The following SLC25A17 variants were observed in gnomAD, a reference collection of about 807,000 sequenced individuals.
SLC25A17 encodes solute carrier family 25 member 17.
Under a neutral mutation model 38.5 loss-of-function variants are expected in SLC25A17, and 26 were observed. That is an observed-to-expected ratio of 0.68 (90% confidence interval 0.50 to 0.94). The LOEUF is 0.94. SLC25A17 is among the 40% of genes least tolerant of loss of function. SLC25A17 has a pLI of 0.00. For missense variants in SLC25A17, 333 were observed against 372.7 expected, an observed-to-expected ratio of 0.89 and a Z score of 0.88; for synonymous variants, 139 against 136.2, an observed-to-expected ratio of 1.02 and a Z score of -0.14.
chr22:40,780,762 T>C (rs1388245236), intron 4 of SLC25A17, among the ~76,000 whole-genome samples: 2 of 152,222 alleles, frequency 1.3e-5, no homozygotes, highest in East Asian at 3.8e-4. Flanking sequence ...TGAAATATGT[T>C]GCCTGTTAAA....
intron 1 of SLC25A17, among the ~76,000 whole-genome samples, chr22:40,816,613 T>A (rs2057642757): frequency 6.6e-6 from 1 of 150,484 alleles, no homozygotes. Flanking sequence ...TTTATTGTTT[T>A]TTTTTTTTTT....
At chr22:40,817,617 T>C (rs1425820215) in intron 1 of SLC25A17, among the ~76,000 whole-genome samples, 4 of 152,144 alleles carry the variant, frequency 2.6e-5, no homozygotes, top group South Asian at 2.1e-4. Flanking sequence ...TTTATAAATA[T>C]ATTCCAGGTC....
At chr22:40,785,779 G>A (rs1292469329) in intron 4 of SLC25A17, among the ~76,000 whole-genome samples, 1 of 151,910 alleles carries the variant, frequency 6.6e-6, no homozygotes, top group Non-Finnish European at 1.5e-5. Context: ...GACTACAAGT[G>A]CATGCCACCA....
intron 8 of SLC25A17, among the ~76,000 whole-genome samples, chr22:40,772,569 C>T (rs1383626698): frequency 6.6e-6 from 1 of 152,034 alleles, no homozygotes; most frequent in Non-Finnish European, 1.5e-5. Flanking sequence ...TCCTAAAGTG[C>T]TGGGATTATA....
chr22:40,777,333 A>T lies in SLC25A17; in HGVS notation c.492T>A (p.Ala164=). 6.2e-7 allele frequency: 1 copy of T among 1,614,158 alleles called. No individual in the cohort carries two copies. The highest frequency in any genetic ancestry group is 8.5e-7 in the Non-Finnish European group (1 of 1,180,006). Residue 164 remains alanine (A), a synonymous_variant, in exon 6 of 9, where the codon GCT becomes GCA. Coordinates refer to ENST00000435456, the MANE Select transcript of SLC25A17 (RefSeq NM_006358.4). ...ATGAGGGAAATGTGCCATTCCATAA[A>T]GCCGAGATTCCTTCATCGCGAATGA... ...HQIIRDEGIS[A]LWNGTFPSLL...
chr22:40,777,382 G>C lies in SLC25A17; in HGVS notation c.452-9C>G, dbSNP rs1286142339. 6.2e-7 allele frequency: 1 copy of C among 1,606,096 alleles called. No homozygotes were observed. The highest frequency in any genetic ancestry group is 8.5e-7 in the Non-Finnish European group (1 of 1,176,330). On this transcript the variant is annotated splice_polypyrimidine_tract_variant and intron_variant, in intron 5 of 8. Transcript: ENST00000435456. ...GATCTGATGAAAAGCATCTAAGCAA[G>C]AAATCAGGGACTTTTGAAAAGCATG...
intron 2 of SLC25A17, 49 bp from the exon 3 acceptor site, chr22:40,794,629 T>G (rs754555894): frequency 1.5e-6 from 2 of 1,299,698 alleles, no homozygotes; most frequent in African/African-American, 3.0e-5. Context: ...AAAAAAAAAT[T>G]TTTTTTTTGA....
Position 40,771,130 on chromosome 22 carries a change from C to T in SLC25A17, c.777-149G>A, listed in dbSNP as rs144827858. 9.4e-4 allele frequency: 648 copies of T among 687,068 alleles called. 4 individuals carry two copies. In the African/African-American group the frequency reaches 0.011, roughly 12 times the overall value. The allele number at this position is 687,068 out of a possible 1,614,324, so 42.6% of individuals were successfully genotyped here. A position where few individuals can be genotyped will look rare whatever the true frequency, so the allele number is the denominator to read the frequency against. ...TCAAAGTACTTTCCTTTTTTTGAGA[C>T]GGAGTCTCGCTCTGTCGCCCAGGCT... On this transcript the variant is annotated intron_variant, in intron 8 of 8. Transcript: ENST00000435456.
At chr22:40,793,570 T>C (rs537454599) in intron 3 of SLC25A17, among the ~76,000 whole-genome samples, 5 of 151,978 alleles carry the variant, frequency 3.3e-5, no homozygotes, top group African/African-American at 1.2e-4. Flanking sequence ...CTCAATGGAA[T>C]CATGAGGAAA....
chr22:40,797,464 C>T (rs1041577981), intron 2 of SLC25A17: 9 of 443,822 alleles, frequency 2.0e-5, no homozygotes, highest in Admixed American at 1.4e-4. Context: ...TCCTATTCTG[C>T]CTCTTCTTTT....
rs189210807 is a variant in SLC25A17 at position 40,790,876 on chromosome 22, G to A, written c.334+1649C>T. On this transcript the variant is annotated intron_variant, in intron 4 of 8. Coordinates refer to ENST00000435456, the MANE Select transcript of SLC25A17 (RefSeq NM_006358.4). ...CAAATAACTGGTCTCAAGTATAGAA[G>A]ATCCCACTAGATTGCCATTTGTTGT... is the stretch of plus-strand genomic sequence containing the variant. Among the ~76,000 whole-genome samples the A allele has an allele frequency of 4.0e-4, 61 of 152,250 alleles. No homozygotes were observed. The Middle Eastern group carries it at 0.014, about 34-fold the overall frequency.
At chr22:40,813,822 T>A (rs536637515) in intron 1 of SLC25A17, 1 of 152,546 alleles carries the variant, frequency 6.6e-6, no homozygotes, top group South Asian at 2.1e-4. Context: ...TTTATAGCTA[T>A]AGTATCTGTT....
chr22:40,778,612 C>A (rs2057267410), intron 5 of SLC25A17, among the ~76,000 whole-genome samples: 1 of 152,120 alleles, frequency 6.6e-6, no homozygotes, highest in African/African-American at 2.4e-5. Flanking sequence ...GACATGTGCA[C>A]AACGTGCAGG....
At chr22:40,774,802 T>C (rs1412000448) in intron 7 of SLC25A17, among the ~76,000 whole-genome samples, 4 of 152,226 alleles carry the variant, frequency 2.6e-5, no homozygotes, top group African/African-American at 9.6e-5. Context: ...TAAAATAATA[T>C]ATTAGTAAAA....
At chr22:40,809,461 C>T (rs1033846240) in intron 1 of SLC25A17, among the ~76,000 whole-genome samples, 1 of 99,240 alleles carries the variant, frequency 1.0e-5, no homozygotes, top group Non-Finnish European at 2.1e-5. Flanking sequence ...CCAGTCTCTA[C>T]AAAAAAATTA....
intron 1 of SLC25A17, among the ~76,000 whole-genome samples, chr22:40,804,911 C>A (rs1286005739): frequency 6.6e-6 from 1 of 151,260 alleles, no homozygotes; most frequent in Non-Finnish European, 1.5e-5. Flanking sequence ...GAGTTTGAGA[C>A]CAGCCTGGGC....
intron 1 of SLC25A17, among the ~76,000 whole-genome samples, chr22:40,805,155 T>A (rs1013189940): frequency 6.6e-6 from 1 of 151,998 alleles, no homozygotes; most frequent in Non-Finnish European, 1.5e-5. Flanking sequence ...GCTAAAACGG[T>A]GAAATCCTAT....
At chr22:40,773,350 C>A (rs2057204944) in intron 8 of SLC25A17, among the ~76,000 whole-genome samples, 1 of 148,368 alleles carries the variant, frequency 6.7e-6, no homozygotes, top group Non-Finnish European at 1.5e-5. Context: ...GCGGAGCTTG[C>A]CGTGAGCGGA....
At chr22:40,814,473 G>T (rs963763622) in intron 1 of SLC25A17, among the ~76,000 whole-genome samples, 48 of 152,016 alleles carry the variant, frequency 3.2e-4, no homozygotes, top group Non-Finnish European at 5.0e-4. Context: ...TATTAATTAG[G>T]TATACTATTA....
Sources: gnomAD v4.1 joint callset for allele counts (sites outside exome capture counted in the v4.1 genomes callset) on GRCh38, gnomAD v4.1.1 for gene constraint, MANE v1.5 for transcripts, NCBI Gene and HGNC (gene_info 2026-07-23, HGNC 2026-07-21) for gene names.